Variants in UTRN observed in about 807,000 individuals in gnomAD.
The protein encoded by UTRN is utrophin.
Under a neutral mutation model 463.9 loss-of-function variants are expected in UTRN, and 283 were observed. The observed-to-expected ratio is 0.61, with a 90% CI of 0.55 to 0.67. UTRN has a LOEUF of 0.67. UTRN is among the 30% of genes least tolerant of loss of function. The pLI, the probability that UTRN is intolerant of heterozygous loss-of-function variation, is 0.00. For missense variants in UTRN, 3,922 were observed against 4,084.3 expected (o/e 0.96, Z 1.08); for synonymous variants, 1,442 against 1,431.5 (o/e 1.01, Z -0.17).
chr6:144,492,614 T>C (rs1793176150), intron 32 of UTRN, among the ~76,000 whole-genome samples: 1 of 152,260 alleles, frequency 6.6e-6, no homozygotes, highest in Non-Finnish European at 1.5e-5. Flanking sequence ...CCCTAGGGGC[T>C]GAACTGATTT....
chr6:144,435,085 A>G (rs1786404567), intron 9 of UTRN, among the ~76,000 whole-genome samples: 1 of 152,206 alleles, frequency 6.6e-6, no homozygotes, highest in African/African-American at 2.4e-5. Context: ...AGTTGAAGTT[A>G]AAGGGAATGT....
chr6:144,484,938 G>A (rs1792277560), intron 27 of UTRN, among the ~76,000 whole-genome samples: 1 of 151,826 alleles, frequency 6.6e-6, no homozygotes, highest in Admixed American at 6.6e-5. Flanking sequence ...TATTTGAGAT[G>A]GAGTCTTGCT....
chr6:144,758,047 T>G, intron 58 of UTRN, 58 bp downstream of exon 58: 2 of 1,476,958 alleles, frequency 1.4e-6, no homozygotes, highest in African/African-American at 1.4e-5. Context: ...TATTGATAAC[T>G]TAAGAGGCTT....
intron 33 of UTRN, among the ~76,000 whole-genome samples, chr6:144,498,652 A>G (rs890615442): frequency 4.0e-5 from 6 of 150,612 alleles, no homozygotes; most frequent in Admixed American, 3.9e-4. Flanking sequence ...CTTAATACAC[A>G]TAACAATCTT....
At chr6:144,365,884 T>C (rs1779463796) in intron 2 of UTRN, among the ~76,000 whole-genome samples, 1 of 152,146 alleles carries the variant, frequency 6.6e-6, no homozygotes, top group African/African-American at 2.4e-5. Context: ...ACTGCAGGCA[T>C]GTGTCATCAC....
chr6:144,489,027 GTTTAT>G lies in UTRN; in HGVS notation c.4134+221_4134+225del, dbSNP rs141795341. Among the ~76,000 whole-genome samples the G allele has an allele frequency of 6.9e-3, 1,022 of 148,456 alleles. 7 individuals carry two copies. The highest frequency in any genetic ancestry group is 0.023 in the African/African-American group (896 of 39,714). ...GAGACTCTGGCAAAAGTCTTATATA[GTTTAT>G]TTTATTTTATTTTATTTTATTTTAT... On this transcript the variant is annotated intron_variant, in intron 30 of 74. Coordinates refer to ENST00000367545, the MANE Select transcript of UTRN (RefSeq NM_007124.3).
chr6:144,539,221 G>C (rs1488867548), intron 44 of UTRN, 73 bp from the exon 45 acceptor site: 1 of 1,406,166 alleles, frequency 7.1e-7, no homozygotes, highest in African/African-American at 1.5e-5. Flanking sequence ...TACCAAAAAG[G>C]TTTCTAATAC....
rs181675521 is a variant in UTRN, at chr6:144,652,410, A to G, written c.7480-25996A>G. Among the ~76,000 whole-genome samples, 18 of 152,218 alleles carry G rather than the reference A, an allele frequency of 1.2e-4. No individual in the cohort carries two copies. The East Asian group carries it at 1.4e-3, about 11-fold the overall frequency. ...TTTCTTTTTCACTTCTGCAACTTAGATCCATGTACGAAGGTGCTATTCACA... is the reference window on the plus strand; with the variant it reads ...TTTCTTTTTCACTTCTGCAACTTAGGTCCATGTACGAAGGTGCTATTCACA... On this transcript the variant is annotated intron_variant, in intron 51 of 74. Coordinates refer to ENST00000367545, the MANE Select transcript of UTRN (RefSeq NM_007124.3).
chr6:144,756,764 A>G (rs1562868908), intron 57 of UTRN, among the ~76,000 whole-genome samples: 1 of 152,072 alleles, frequency 6.6e-6, no homozygotes, highest in Non-Finnish European at 1.5e-5. Context: ...TTATAAAGAG[A>G]GGAGGAATTG....
intron 4 of UTRN, 65 bp downstream of exon 4, chr6:144,422,035 TG>T: frequency 3.0e-6 from 4 of 1,349,558 alleles, no homozygotes; most frequent in Non-Finnish European, 4.1e-6. Context: ...TGACCCAGTG[TG>T]GGTACCCATT....
intron 16 of UTRN, 64 bp downstream of exon 16, chr6:144,447,845 G>A: frequency 6.7e-7 from 1 of 1,488,102 alleles, no homozygotes. Flanking sequence ...AAATGTTCAG[G>A]TTAGTTTTAA....
At position 144,647,483 on chromosome 6, in the gene UTRN, G is replaced by T. The variant is rs79430932; in HGVS notation, c.7480-30923G>T. Among the ~76,000 whole-genome samples, 387 of 152,310 alleles carry T rather than the reference G, an allele frequency of 2.5e-3. 11 individuals are homozygous for T. The East Asian group carries it at 0.052, about 20-fold the overall frequency. ...GGGAGACTTTTAAAGACAAAGAGAA[G>T]TCTTCATAAACTGTTTGTTAAACCA... On this transcript the variant is annotated intron_variant, in intron 51 of 74. Transcript: ENST00000367545.
intron 4 of UTRN, 86 bp from the exon 5 acceptor site, chr6:144,423,463 C>T: frequency 7.2e-7 from 1 of 1,382,086 alleles, no homozygotes; most frequent in South Asian, 1.2e-5. Flanking sequence ...CGCTGAGCTT[C>T]ACTTCTGTGT....
intron 2 of UTRN, among the ~76,000 whole-genome samples, chr6:144,304,945 T>C (rs1283901305): frequency 1.3e-5 from 2 of 152,040 alleles, no homozygotes; most frequent in African/African-American, 4.8e-5. Context: ...TTTTTTTTTT[T>C]TTTGAAATGG....
chr6:144,719,586 A>G (rs1401129978), intron 53 of UTRN, among the ~76,000 whole-genome samples: 3 of 152,140 alleles, frequency 2.0e-5, no homozygotes, highest in Non-Finnish European at 4.4e-5. Flanking sequence ...TCAAAAACAG[A>G]AAGAAAGAAA....
intron 50 of UTRN, among the ~76,000 whole-genome samples, chr6:144,576,394 C>G (rs1465253929): frequency 6.6e-6 from 1 of 152,052 alleles, no homozygotes; most frequent in Non-Finnish European, 1.5e-5. Context: ...CATATAACTC[C>G]AAGATAGCTC....
chr6:144,639,291 C>T (rs1777524168), intron 51 of UTRN, among the ~76,000 whole-genome samples: 1 of 152,162 alleles, frequency 6.6e-6, no homozygotes, highest in African/African-American at 2.4e-5. Flanking sequence ...TTTATTGCTA[C>T]ATTTGGCCAT....
chr6:144,577,477 G>GA (rs1801553244), intron 51 of UTRN, among the ~76,000 whole-genome samples, 189 bp downstream of exon 51: 1 of 152,220 alleles, frequency 6.6e-6, no homozygotes, highest in East Asian at 1.9e-4. Flanking sequence ...TGTTAGAGGG[G>GA]AAAAAACCCA....
intron 47 of UTRN, 75 bp from the exon 48 acceptor site, chr6:144,550,890 C>A: frequency 7.7e-7 from 1 of 1,299,020 alleles, no homozygotes; most frequent in Non-Finnish European, 1.0e-6. Flanking sequence ...ACTTTGATGT[C>A]AGCACAACTG....
Sources: gnomAD v4.1 joint callset for allele counts (sites outside exome capture counted in the v4.1 genomes callset) on GRCh38, gnomAD v4.1.1 for gene constraint, MANE v1.5 for transcripts, NCBI Gene and HGNC (gene_info 2026-07-23, HGNC 2026-07-21) for gene names.